Variants in CDH18 observed in about 807,000 individuals in gnomAD.
The protein encoded by CDH18 is cadherin-18.
In CDH18, 31 loss-of-function variants were observed where a neutral mutation model predicts 67.9. That is an observed-to-expected ratio of 0.46 (90% CI 0.34 to 0.62). The LOEUF (loss-of-function observed/expected upper bound fraction) is 0.62. Ranked by LOEUF, CDH18 falls within the 20% of genes least tolerant of loss-of-function variation. The pLI, the probability that CDH18 is intolerant of heterozygous loss-of-function variation, is 0.01. For missense variants in CDH18, 890 were observed against 975.5 expected (o/e 0.91, Z 1.17); for synonymous variants, 362 against 347.2 (o/e 1.04, Z -0.48).
chr5:19,758,900 T>C (rs1411874110), intron 3 of CDH18, among the ~76,000 whole-genome samples: 1 of 152,228 alleles, frequency 6.6e-6, no homozygotes, highest in Non-Finnish European at 1.5e-5. Flanking sequence ...ACCAATGTAA[T>C]GGACCAGTGT....
chr5:20,016,833 G>A lies in CDH18; in HGVS notation c.-517-24819C>T, dbSNP rs369392872. Among the ~76,000 whole-genome samples, 43 of 152,114 alleles carry A rather than the reference G, an allele frequency of 2.8e-4. No homozygotes were observed. The East Asian group carries it at 2.9e-3, about 10-fold the overall frequency. On this transcript the variant is annotated intron_variant, in intron 2 of 14. Coordinates refer to the CDH18 transcript ENST00000507958. The stretch of plus-strand genomic sequence containing the variant: ...GTGCAGGTTTGTCACTATGGATCAC[G>A]GCCTTGGGGTCAGGTGTTTGCAGTT...
intron 2 of CDH18, among the ~76,000 whole-genome samples, chr5:20,034,933 G>T (rs1739719268): frequency 6.6e-6 from 1 of 151,984 alleles, no homozygotes; most frequent in Non-Finnish European, 1.5e-5. Flanking sequence ...CTTCCTTCCA[G>T]GAACTTTATA....
chr5:19,880,567 C>A (rs1787527794), intron 2 of CDH18, among the ~76,000 whole-genome samples: 1 of 152,008 alleles, frequency 6.6e-6, no homozygotes, highest in Non-Finnish European at 1.5e-5. Context: ...TGTACAAGAC[C>A]AACTACTTTG....
intron 8 of CDH18, among the ~76,000 whole-genome samples, chr5:19,550,139 AAG>A (rs949423685): frequency 6.6e-6 from 1 of 152,098 alleles, no homozygotes; most frequent in African/African-American, 2.4e-5. Context: ...AGACTAGAAA[AAG>A]AGAGAAAAAA....
At chr5:20,572,972 T>C (rs958975209) in intron 1 of CDH18, among the ~76,000 whole-genome samples, 5 of 152,116 alleles carry the variant, frequency 3.3e-5, no homozygotes, top group Non-Finnish European at 7.4e-5. Context: ...TCTTCCTCAA[T>C]TATGTTTGCA....
At chr5:19,723,772 G>C (rs1023390136) in intron 4 of CDH18, among the ~76,000 whole-genome samples, 2 of 151,878 alleles carry the variant, frequency 1.3e-5, no homozygotes, top group Non-Finnish European at 2.9e-5. Flanking sequence ...GGAGTACAAT[G>C]GCGCCATCTC....
intron 1 of CDH18, among the ~76,000 whole-genome samples, chr5:20,557,304 T>G (rs1561128073): frequency 6.6e-6 from 1 of 151,890 alleles, no homozygotes; most frequent in East Asian, 1.9e-4. Context: ...GAAAAAAATG[T>G]AAGTAAAGAA....
chr5:19,839,186 C>T lies in CDH18; in HGVS notation c.-200G>A, dbSNP rs1003029424. ...TCTGAACCACTTGGAAAATCAAAGC[C>T]GTAGTTGTCTGATTCCAACTCTTCA... On this transcript the variant is annotated 5_prime_UTR_variant, in exon 3 of 13. Transcript: ENST00000382275. 3 of 538,244 alleles carry T rather than the reference C, an allele frequency of 5.6e-6. No homozygotes were observed. The highest frequency in any genetic ancestry group is 2.5e-5 in the South Asian group (1 of 39,452). The allele number at this position is 538,244 out of a possible 1,614,324, so 33.3% of individuals were successfully genotyped here.
chr5:20,191,480 A>C (rs1442954873), intron 2 of CDH18, among the ~76,000 whole-genome samples: 1 of 151,830 alleles, frequency 6.6e-6, no homozygotes, highest in African/African-American at 2.4e-5. Context: ...GGTTTGCTGC[A>C]CCTATTGAAC....
intron 2 of CDH18, among the ~76,000 whole-genome samples, chr5:20,001,840 C>T (rs1736465473): frequency 6.6e-6 from 1 of 152,032 alleles, no homozygotes; most frequent in Non-Finnish European, 1.5e-5. Flanking sequence ...CAGCATTAGG[C>T]CCTCAGAGTG....
intron 2 of CDH18, among the ~76,000 whole-genome samples, chr5:20,135,939 G>C (rs1749675567): frequency 6.6e-6 from 1 of 152,138 alleles, no homozygotes; most frequent in African/African-American, 2.4e-5. Context: ...TAATTTGATT[G>C]CACTGTGGTC....
intron 1 of CDH18, among the ~76,000 whole-genome samples, chr5:20,333,011 A>C (rs1044364507): frequency 2.0e-5 from 3 of 151,962 alleles, no homozygotes; most frequent in African/African-American, 7.3e-5. Context: ...TGGAGAGAAC[A>C]TGCAAACTCC....
At chr5:20,327,685 G>A (rs1241321931) in intron 1 of CDH18, among the ~76,000 whole-genome samples, 3 of 152,058 alleles carry the variant, frequency 2.0e-5, no homozygotes, top group Admixed American at 6.6e-5. Flanking sequence ...CATATTTTCA[G>A]ATGCTGATAA....
chr5:20,160,309 A>T (rs1397969367), intron 2 of CDH18, among the ~76,000 whole-genome samples: 1 of 152,206 alleles, frequency 6.6e-6, no homozygotes, highest in African/African-American at 2.4e-5. Context: ...TGAGTCAAAG[A>T]CTAATCCAAG....
chr5:19,913,927 G>A (rs1368020750), intron 2 of CDH18, among the ~76,000 whole-genome samples: 1 of 151,956 alleles, frequency 6.6e-6, no homozygotes, highest in African/African-American at 2.4e-5. Flanking sequence ...CATGTGCAGT[G>A]GAATAACTAT....
chr5:20,414,648 T>G (rs1747123034), intron 1 of CDH18, among the ~76,000 whole-genome samples: 1 of 152,118 alleles, frequency 6.6e-6, no homozygotes, highest in South Asian at 2.1e-4. Context: ...ACCTAACTAC[T>G]TGATTGAAAA....
rs60246535 is a variant in CDH18, at chr5:20,329,768, CAAAAAA to C, written c.-579-74269_-579-74264del. Among the ~76,000 whole-genome samples, 41 of 62,564 alleles carry C rather than the reference CAAAAAA, an allele frequency of 6.6e-4. 1 individual carries two copies. The highest frequency in any genetic ancestry group is 2.2e-3 in the South Asian group (2 of 926). The allele number at this position is 62,564 out of a possible 152,430, so 41.0% of individuals were successfully genotyped here. On this transcript the variant is annotated intron_variant, in intron 1 of 14. Transcript: ENST00000507958. ...CTGGGCAACAAGAGCGAAACTCCAT[CAAAAAA>C]AAAAAAAAAAAAAAAAAAAAGAGTA...
At chr5:19,696,551 G>A (rs1762570142) in intron 5 of CDH18, among the ~76,000 whole-genome samples, 1 of 150,928 alleles carries the variant, frequency 6.6e-6, no homozygotes, top group Admixed American at 6.6e-5. Context: ...AAAAAAAAGA[G>A]CCCAGCTGAT....
rs559181507 is a variant in CDH18 at position 19,929,329 on chromosome 5, T to C, written c.-257+51731A>G. 3.3e-5 allele frequency among the ~76,000 whole-genome samples: 5 copies of C among 152,184 alleles called. No individual in the cohort carries two copies. The East Asian group carries it at 5.8e-4, about 18-fold the overall frequency. On this transcript the variant is annotated intron_variant, in intron 2 of 12. Transcript: ENST00000382275. ...GTATTGATGGCACCTAAATGCTCCA[T>C]GCTCCATAAGAACAGAAGAGCATTA... is the stretch of plus-strand genomic sequence containing the variant.
Sources: allele counts gnomAD v4.1 joint callset (sites outside exome capture counted in the v4.1 genomes callset), GRCh38; gene constraint gnomAD v4.1.1; transcripts MANE v1.5; gene names NCBI Gene and HGNC (gene_info 2026-07-23, HGNC 2026-07-21).